Variants in INO80B observed in about 807,000 individuals in gnomAD.
INO80B encodes the protein IES2 homolog.
Under a neutral mutation model 31.4 loss-of-function variants are expected in INO80B, and 18 were observed. That is an observed-to-expected ratio of 0.57 (90% CI 0.40 to 0.85). INO80B has a LOEUF of 0.85. Among genes scored for constraint, INO80B ranks in the 40% least tolerant of loss-of-function variants. The pLI, the probability that INO80B is intolerant of heterozygous loss-of-function variation, is 0.00. For synonymous variants in INO80B, 238 were observed against 199.0 expected, an observed-to-expected ratio of 1.20 and a Z score of -1.65; for missense variants, 469 against 475.4, an observed-to-expected ratio of 0.99 and a Z score of 0.13.
At position 74,457,601 on chromosome 2, in the gene INO80B, GC is replaced by G; in HGVS notation, c.813del (p.Met272TrpfsTer?). ...GCGGGGAGGGCGGGCTGCGGCTCCG[GC>G]CCCCATGGTGCGCTACTGCAGCGGA... Reference protein sequence around the residue: ...ERRGGRAAAPAPMVRYCSGAQ... With the variant: ...ERRGGRAAAPXPMVRYCSGAQ... On this transcript the variant is annotated frameshift_variant, in exon 5 of 5. Coordinates refer to ENST00000233331, the MANE Select transcript of INO80B (RefSeq NM_031288.4). LOFTEE classifies it high-confidence loss of function. 1.3e-6 allele frequency: 2 copies of G among 1,546,008 alleles called. No individual in the cohort carries two copies.
Position 74,455,136 on chromosome 2 carries a change from G to A in INO80B, c.20G>A (p.Arg7His). 2.5e-6 allele frequency: 4 copies of A among 1,614,222 alleles called. No individual in the cohort carries two copies. Among genetic ancestry groups the A allele is most frequent in the Non-Finnish European group, 3.4e-6 (4 of 1,180,044 alleles). MSKLWR[R>H]GSTSGAMEAP... Reference sequence around the variant, plus strand: ...GACCTCATGAGTAAGCTGTGGCGGCGTGGGAGCACCTCTGGGGCTATGGAG... The same window carrying A: ...GACCTCATGAGTAAGCTGTGGCGGCATGGGAGCACCTCTGGGGCTATGGAG... Residue 7 changes from arginine to histidine, a missense_variant, in exon 1 of 5, where the codon CGT becomes CAT. Arg to His is a conservative substitution (Grantham distance 29, BLOSUM62 0). This residue lies in a region of INO80B where 223 missense variants were observed against 253.4 expected (regional missense o/e 0.88). Coordinates refer to ENST00000233331, the MANE Select transcript of INO80B (RefSeq NM_031288.4).
At position 74,457,354 on chromosome 2, in the gene INO80B, G is replaced by A. The variant is rs1329281793; in HGVS notation, c.561G>A (p.Ala187=). ...CCTAGCGAGCTCTGCTCCAGAAGGCGCGGAGTCAACCTTCCCCTATGCTGC... is the reference window on the plus strand; with the variant it reads ...CCTAGCGAGCTCTGCTCCAGAAGGCACGGAGTCAACCTTCCCCTATGCTGC... ...TARQRALLQK[A]RSQPSPMLPL... is the part of the protein sequence containing the mutation. Residue 187 remains alanine, a synonymous_variant, in exon 5 of 5, where the codon GCG becomes GCA. Transcript: ENST00000233331. 1 of 1,607,896 alleles carries A rather than the reference G, an allele frequency of 6.2e-7. No homozygotes were observed. Among genetic ancestry groups the A allele is most frequent in the Admixed American group, 1.7e-5 (1 of 59,524 alleles).
At chr2:74,455,761 C>A in intron 2 of INO80B, 57 bp from the exon 3 acceptor site, 1 of 1,427,108 alleles carries the variant, frequency 7.0e-7, no homozygotes, top group Non-Finnish European at 9.9e-7. Context: ...GGTGTAGCTA[C>A]GGAGTAGGAG....
intron 3 of INO80B, 47 bp from the exon 4 acceptor site, chr2:74,456,056 G>A (rs1170543463): frequency 6.4e-7 from 1 of 1,567,686 alleles, no homozygotes. Context: ...AAATTAGGGT[G>A]CCCCATCTGA....
rs1489084913 is a variant in INO80B, at chr2:74,456,272, G to A, written c.540G>A (p.Gln180=). The A allele has an allele frequency of 6.2e-7, 1 of 1,613,984 alleles. No homozygotes were observed. The highest frequency in any genetic ancestry group is 8.5e-7 in the Non-Finnish European group (1 of 1,179,978). The change falls in exon 4 of 5, where the codon CAG becomes CAA. Residue 180 remains glutamine (Q), a splice_region_variant and synonymous_variant. Coordinates refer to ENST00000233331, the MANE Select transcript of INO80B (RefSeq NM_031288.4). ...ATGAGCGGCTGCTTACTGCTCGACA[G>A]GTATGTTGGTTCATTGTTTATTCAC... The part of the protein sequence containing the change: ...EINERLLTAR[Q]RALLQKARSQ...
intron 2 of INO80B, 105 bp downstream of exon 2, chr2:74,455,703 C>CA (rs1671674190): frequency 1.4e-6 from 2 of 1,423,916 alleles, no homozygotes; most frequent in African/African-American, 2.8e-5. Flanking sequence ...ACTGTGACTT[C>CA]AGGGTCCAGA....
intron 4 of INO80B, among the ~76,000 whole-genome samples, chr2:74,456,684 C>T (rs996141110): frequency 1.3e-5 from 2 of 152,210 alleles, no homozygotes; most frequent in African/African-American, 4.8e-5. Context: ...GGACAAGCCA[C>T]TGAAGGGCTG....
intron 4 of INO80B, among the ~76,000 whole-genome samples, chr2:74,457,104 G>A (rs1558561128): frequency 6.6e-6 from 1 of 152,298 alleles, no homozygotes; most frequent in East Asian, 1.9e-4. Context: ...GAGAGATAAG[G>A]ACCTAAAGCT....
At position 74,457,792 on chromosome 2, in the gene INO80B, G is replaced by C. The variant is rs1460830430; in HGVS notation, c.999G>C (p.Gln333His). 3 of 1,594,256 alleles carry C rather than the reference G, an allele frequency of 1.9e-6. No individual in the cohort carries two copies. The highest frequency in any genetic ancestry group is 1.4e-5 in the African/African-American group (1 of 73,972). Residue 333 changes from glutamine (Q) to histidine (H), a missense_variant, in exon 5 of 5, where the codon CAG becomes CAC. Around this residue, in one of 3 missense-constraint regions of INO80B, gnomAD observed 201 missense variants for 151.7 expected, o/e 1.32. Coordinates refer to ENST00000233331, the MANE Select transcript of INO80B (RefSeq NM_031288.4). The part of the protein sequence containing the change: ...SRTGQALCSL[Q>H]CYRINLQMRL... Reference sequence around the variant, plus strand: ...CAGGCCAGGCACTCTGTAGTCTTCAGTGCTACCGCATCAACCTGCAGATGC... The same window carrying C: ...CAGGCCAGGCACTCTGTAGTCTTCACTGCTACCGCATCAACCTGCAGATGC...
chr2:74,457,675 G>T lies in INO80B; in HGVS notation c.882G>T (p.Thr294=). The change falls in exon 5 of 5, where the codon ACG becomes ACT. Residue 294 remains threonine (T), a synonymous_variant. Coordinates refer to ENST00000233331, the MANE Select transcript of INO80B (RefSeq NM_031288.4). The part of the protein sequence containing the change: ...LSFPPGVPAP[T]AVSQRPSPSG... ...TCCCACCTGGCGTCCCCGCCCCCAC[G>T]GCAGTGTCTCAGCGGCCATCCCCCT... The T allele has an allele frequency of 6.3e-7, 1 of 1,599,890 alleles. No homozygotes were observed. The highest frequency in any genetic ancestry group is 8.5e-7 in the Non-Finnish European group (1 of 1,178,806).
Position 74,455,451 on chromosome 2 carries a change from T to C in INO80B, c.104T>C (p.Val35Ala). Residue 35 changes from valine to alanine, a missense_variant, in exon 2 of 5, where the codon GTG (valine) becomes GCG (alanine). Val to Ala is a moderately conservative substitution (Grantham distance 64). Transcript: ENST00000233331. ...LSLAGAHGHG[V>A]HKKKHKKHKK... ...CTGGCGGGTGCCCATGGCCATGGAG[T>C]GCACAAGAAAAAACACAAGAAGCAC... 1 of 1,613,148 alleles carries C rather than the reference T, an allele frequency of 6.2e-7. No individual in the cohort carries two copies. The highest frequency in any genetic ancestry group is 8.5e-7 in the Non-Finnish European group (1 of 1,179,830).
Position 74,457,591 on chromosome 2 carries a change from T to C in INO80B, c.798T>C (p.Ala266=). 6.6e-7 allele frequency: 1 copy of C among 1,525,786 alleles called. No individual in the cohort carries two copies. 94.5% of individuals were successfully genotyped at this position (1,525,786 alleles called of 1,614,324 possible). A position where few individuals can be genotyped will look rare whatever the true frequency, so the allele number is the denominator to read the frequency against. Residue 266 remains alanine (A), a synonymous_variant, in exon 5 of 5, where the codon GCT becomes GCC. Coordinates refer to ENST00000233331, the MANE Select transcript of INO80B (RefSeq NM_031288.4). ...GARGERRGGR[A]AAPAPMVRYC... is the part of the protein sequence containing the mutation. The stretch of plus-strand genomic sequence containing the variant: ...GGGGCGAGCGGCGGGGAGGGCGGGC[T>C]GCGGCTCCGGCCCCCATGGTGCGCT...
At chr2:74,455,758 C>G (rs1465547583) in intron 2 of INO80B, 60 bp from the exon 3 acceptor site, 1 of 1,423,484 alleles carries the variant, frequency 7.0e-7, no homozygotes, top group Non-Finnish European at 9.9e-7. Context: ...TTGGGTGTAG[C>G]TACGGAGTAG....
At position 74,457,849 on chromosome 2, in the gene INO80B, C is replaced by A. The variant is rs148261026; in HGVS notation, c.1056C>A (p.Pro352=). 1.9e-6 allele frequency: 3 copies of A among 1,561,334 alleles called. No homozygotes were observed. The highest frequency in any genetic ancestry group is 1.8e-5 in the Admixed American group (1 of 55,434). ...GGGGGCCCGAGGGTCCTGGATCCCC[C>A]CTTTTGGCTACGTAAGGCCCTTAAC... is the stretch of plus-strand genomic sequence containing the variant. ...RLGGPEGPGS[P]LLAT The change falls in exon 5 of 5, where the codon CCC becomes CCA. Residue 352 remains proline, a synonymous_variant. Transcript: ENST00000233331.
chr2:74,456,027 T>C, intron 3 of INO80B, 76 bp from the exon 4 acceptor site: 1 of 1,553,370 alleles, frequency 6.4e-7, no homozygotes, highest in Non-Finnish European at 8.8e-7. Flanking sequence ...ATTTTCCATG[T>C]CCCAGTATTA....
In INO80B at chr2:74,457,372, T is replaced by C; in HGVS notation, c.579T>C (p.Pro193=). The C allele has an allele frequency of 6.2e-7, 1 of 1,608,536 alleles. No individual in the cohort carries two copies. Among genetic ancestry groups the C allele is most frequent in the Non-Finnish European group, 8.5e-7 (1 of 1,178,004 alleles). ...LLQKARSQPS[P]MLPLPVAEGC... Reference sequence around the variant, plus strand: ...AGAAGGCGCGGAGTCAACCTTCCCCTATGCTGCCGCTGCCTGTAGCTGAGG... The same window carrying C: ...AGAAGGCGCGGAGTCAACCTTCCCCCATGCTGCCGCTGCCTGTAGCTGAGG... The change falls in exon 5 of 5, where the codon CCT becomes CCC. Residue 193 remains proline (P), a synonymous_variant. Coordinates refer to ENST00000233331, the MANE Select transcript of INO80B (RefSeq NM_031288.4).
chr2:74,455,652 T>C, intron 2 of INO80B, 54 bp downstream of exon 2: 3 of 1,541,484 alleles, frequency 1.9e-6, no homozygotes, highest in Non-Finnish European at 2.6e-6. Flanking sequence ...GCAGAGATAG[T>C]AGTTAGAAGC....
Position 74,456,090 on chromosome 2 carries a change from ACTTC to A in INO80B, c.371-7_371-4del. The A allele has an allele frequency of 6.3e-7, 1 of 1,578,146 alleles. No individual in the cohort carries two copies. The highest frequency in any genetic ancestry group is 8.6e-7 in the Non-Finnish European group (1 of 1,162,266). ...GAACAATTCTGTTTTTCTTTCTCCA[ACTTC>A]CTTCCCAGATGAAGACAGTAATCTC... is the stretch of plus-strand genomic sequence containing the variant. On this transcript the variant is annotated splice_polypyrimidine_tract_variant and intron_variant, in intron 3 of 4. Coordinates refer to ENST00000233331, the MANE Select transcript of INO80B (RefSeq NM_031288.4).
rs200645639 is a variant in INO80B at position 74,455,411 on chromosome 2, G to T, written c.64G>T (p.Ala22Ser). Residue 22 changes from alanine (A) to serine (S), a missense_variant, in exon 2 of 5, where the codon GCC becomes TCC. This residue lies in a region of INO80B where 223 missense variants were observed against 253.4 expected (regional missense o/e 0.88). Transcript: ENST00000233331. ...GAMEAPEPGE[A>S]LELSLAGAHG... is the part of the protein sequence containing the mutation. Reference sequence around the variant, plus strand: ...GACAGGCTTTCCTTCCACAGGAGAAGCCCTGGAGTTGAGCCTGGCGGGTGC... The same window carrying T: ...GACAGGCTTTCCTTCCACAGGAGAATCCCTGGAGTTGAGCCTGGCGGGTGC... 45 of 1,614,062 alleles carry T rather than the reference G, an allele frequency of 2.8e-5. No homozygotes were observed. Among genetic ancestry groups the T allele is most frequent in the Admixed American group, 5.0e-5 (3 of 60,012 alleles).
Sources: gnomAD v4.1 joint callset for allele counts (sites outside exome capture counted in the v4.1 genomes callset) on GRCh38, gnomAD v4.1.1 for gene constraint, gnomAD v4.1.1 regional missense constraint, MANE v1.5 for transcripts, NCBI Gene and HGNC (gene_info 2026-07-23, HGNC 2026-07-21) for gene names.